The following SLC5A4 variants were observed in gnomAD, a reference collection of about 807,000 sequenced individuals.
SLC5A4 encodes solute carrier family 5 member 4.
Under a neutral mutation model 70.3 loss-of-function variants are expected in SLC5A4, and 55 were observed. The ratio of observed to expected loss-of-function variants is 0.78; its 90% CI spans 0.63 to 0.98. The LOEUF is 0.98. Among genes scored for constraint, SLC5A4 ranks in the 50% least tolerant of loss-of-function variants. SLC5A4 has a pLI of 0.00. For missense variants in SLC5A4, 735 were observed against 839.2 expected, an observed-to-expected ratio of 0.88 and a Z score of 1.53; for synonymous variants, 268 against 305.7, an observed-to-expected ratio of 0.88 and a Z score of 1.29.
the SLC5A4 span, among the ~76,000 whole-genome samples, chr22:32,334,859 T>A: frequency 6.6e-6 from 1 of 152,002 alleles, no homozygotes; most frequent in Non-Finnish European, 1.5e-5. Flanking sequence ...TTGGTCAGAG[T>A]CCAGGCAGGG....
chr22:32,306,502 A>G, the SLC5A4 span, among the ~76,000 whole-genome samples: 1 of 142,900 alleles, frequency 7.0e-6, no homozygotes, highest in Non-Finnish European at 1.5e-5. Context: ...TATAAAGACA[A>G]AAGAGCAACA....
At chr22:32,313,967 A>G in the SLC5A4 span, among the ~76,000 whole-genome samples, 1 of 152,220 alleles carries the variant, frequency 6.6e-6, no homozygotes, top group Non-Finnish European at 1.5e-5. Flanking sequence ...TTACTTGCAT[A>G]AATTGCAACT....
At chr22:32,278,297 T>C in the SLC5A4 span, among the ~76,000 whole-genome samples, 1 of 152,240 alleles carries the variant, frequency 6.6e-6, no homozygotes, top group Non-Finnish European at 1.5e-5. Flanking sequence ...ATTCTGTATT[T>C]GGGCCAAAAT....
the SLC5A4 span, among the ~76,000 whole-genome samples, chr22:32,335,887 A>G: frequency 6.6e-6 from 1 of 152,188 alleles, no homozygotes; most frequent in Non-Finnish European, 1.5e-5. Context: ...GGGAGCGAGC[A>G]TCCTCCAGCC....
At chr22:32,340,371 C>T in the SLC5A4 span, among the ~76,000 whole-genome samples, 1 of 152,220 alleles carries the variant, frequency 6.6e-6, no homozygotes, top group Non-Finnish European at 1.5e-5. Flanking sequence ...CATGGATGTA[C>T]TGAGCACCTA....
chr22:32,231,292 G>C (rs1336853123), intron 9 of SLC5A4, among the ~76,000 whole-genome samples: 1 of 152,160 alleles, frequency 6.6e-6, no homozygotes, highest in Non-Finnish European at 1.5e-5. Context: ...CTGACCCATG[G>C]GATAGGGGCT....
chr22:32,254,226 G>GA lies in SLC5A4; in HGVS notation c.136-14dup. 1 of 1,608,062 alleles carries GA rather than the reference G, an allele frequency of 6.2e-7. No homozygotes were observed. Among genetic ancestry groups the GA allele is most frequent in the Non-Finnish European group, 8.5e-7 (1 of 1,174,554 alleles). ...TCTTCAGCATCGCCTGAGCAGAAGG[G>GA]AAGACAGGTGAGGGTCAAGCCCCAG... On this transcript the variant is annotated splice_polypyrimidine_tract_variant and intron_variant, in intron 1 of 14. Transcript: ENST00000266086.
the SLC5A4 span, among the ~76,000 whole-genome samples, chr22:32,316,133 T>C: frequency 6.8e-6 from 1 of 146,532 alleles, no homozygotes; most frequent in South Asian, 2.1e-4. Flanking sequence ...AAAGGGCAGA[T>C]GATTTTTATA....
chr22:32,274,848 A>G, the SLC5A4 span, among the ~76,000 whole-genome samples: 1 of 152,168 alleles, frequency 6.6e-6, no homozygotes, highest in South Asian at 2.1e-4. Flanking sequence ...TGGTTACACT[A>G]TTTTTCCAAT....
At chr22:32,316,383 A>C in the SLC5A4 span, among the ~76,000 whole-genome samples, 1 of 152,212 alleles carries the variant, frequency 6.6e-6, no homozygotes, top group East Asian at 1.9e-4. Flanking sequence ...AGAAAAAAGA[A>C]GGGCACTGTG....
the SLC5A4 span, among the ~76,000 whole-genome samples, chr22:32,307,896 G>A: frequency 6.6e-6 from 1 of 152,028 alleles, no homozygotes; most frequent in Non-Finnish European, 1.5e-5. Context: ...CACGTGAGCA[G>A]GATGATTAAG....
Position 32,230,960 on chromosome 22 carries a change from T to G in SLC5A4, c.1129+8A>C. ...TCTGGGGCTGTCCCAGCAGGGACAT[T>G]TTCCTACCTTGGGGCATCAGTTCCA... On this transcript the variant is annotated splice_region_variant and intron_variant, in intron 10 of 14. Transcript: ENST00000266086. 6.3e-7 allele frequency: 1 copy of G among 1,599,694 alleles called. No individual in the cohort carries two copies. Among genetic ancestry groups the G allele is most frequent in the Non-Finnish European group, 8.6e-7 (1 of 1,166,872 alleles).
the SLC5A4 span, among the ~76,000 whole-genome samples, chr22:32,350,505 C>T: frequency 6.6e-6 from 1 of 152,150 alleles, no homozygotes; most frequent in African/African-American, 2.4e-5. Flanking sequence ...CTATATATCT[C>T]AAATTGTATT....
At chr22:32,303,650 A>C in the SLC5A4 span, among the ~76,000 whole-genome samples, 5 of 152,014 alleles carry the variant, frequency 3.3e-5, no homozygotes, top group African/African-American at 4.8e-5. Context: ...ATTTCTTTTT[A>C]GCATTGAATA....
upstream of SLC5A4, among the ~76,000 whole-genome samples, chr22:32,256,355 A>G (rs1032351953): frequency 3.3e-5 from 5 of 152,226 alleles, no homozygotes; most frequent in East Asian, 9.7e-4. Flanking sequence ...CCAAAAACAC[A>G]CATGAAAAAA....
the SLC5A4 span, among the ~76,000 whole-genome samples, chr22:32,341,623 G>A: frequency 8.5e-5 from 13 of 152,162 alleles, no homozygotes; most frequent in African/African-American, 2.2e-4. Flanking sequence ...ACGTGACGCC[G>A]GAGAGCATCC....
intron 11 of SLC5A4, 126 bp from the exon 12 acceptor site, chr22:32,225,949 A>G (rs1925373910): frequency 1.6e-6 from 1 of 644,082 alleles, no homozygotes; most frequent in Non-Finnish European, 2.6e-6. Flanking sequence ...AAGCTCCTTG[A>G]TCATACATAA....
At chr22:32,229,693 C>CA (rs1925633663) in intron 10 of SLC5A4, among the ~76,000 whole-genome samples, 1 of 151,734 alleles carries the variant, frequency 6.6e-6, no homozygotes. Context: ...TTAATGGGTA[C>CA]AAAAAAGAGA....
At chr22:32,248,660 T>A in intron 4 of SLC5A4, 83 bp downstream of exon 4, 1 of 975,466 alleles carries the variant, frequency 1.0e-6, no homozygotes, top group Non-Finnish European at 1.7e-6. Flanking sequence ...CTGGCAATAC[T>A]CATTGTCTCA....
Sources: gnomAD v4.1 joint callset for allele counts (sites outside exome capture counted in the v4.1 genomes callset) on GRCh38, gnomAD v4.1.1 for gene constraint, MANE v1.5 for transcripts, NCBI Gene and HGNC (gene_info 2026-07-23, HGNC 2026-07-21) for gene names.